The following PAICS variants were observed in gnomAD, a reference collection of about 807,000 sequenced individuals.
PAICS encodes the protein phosphoribosylaminoimidazole carboxylase and phosphoribosylaminoimidazolesuccinocarboxamide synthase, also known as bifunctional phosphoribosylaminoimidazole carboxylase/phosphoribosylaminoimidazole succinocarboxamide synthetase.
A neutral mutation model predicts 53.7 loss-of-function variants in PAICS; 33 were observed. The ratio of observed to expected loss-of-function variants is 0.61; its 90% confidence interval spans 0.47 to 0.82. PAICS has a LOEUF of 0.82. Ranked by LOEUF, PAICS falls within the 40% of genes least tolerant of loss-of-function variation. The pLI, the probability that PAICS is intolerant of heterozygous loss-of-function variation, is 0.00. For synonymous variants in PAICS, 141 were observed against 167.2 expected (o/e 0.84, Z 1.21); for missense variants, 394 against 494.1 (o/e 0.80, Z 1.92).
chr4:56,458,729 A>AC (rs898685251), intron 8 of PAICS, among the ~76,000 whole-genome samples: 3 of 151,894 alleles, frequency 2.0e-5, no homozygotes, highest in African/African-American at 7.3e-5. Context: ...CAAACACTAG[A>AC]CATAATAGTA....
chr4:56,433,930 T>C (rs1300669769), upstream of PAICS, among the ~76,000 whole-genome samples: 1 of 152,156 alleles, frequency 6.6e-6, no homozygotes, highest in Non-Finnish European at 1.5e-5. Flanking sequence ...AACCTCGTGA[T>C]CCGCCCGCCT....
intron 8 of PAICS, 147 bp downstream of exon 8, chr4:56,453,908 T>C: frequency 2.0e-6 from 1 of 506,052 alleles, no homozygotes; most frequent in Non-Finnish European, 3.5e-6. Context: ...CATCTCCTGC[T>C]GGATTATTTT....
rs762798410 is a variant in PAICS at position 56,452,043 on chromosome 4, G to A, written c.943G>A (p.Glu315Lys). Residue 315 changes from glutamate (E) to lysine (K), a missense_variant, in exon 7 of 9, where the codon GAG becomes AAG. This residue lies in a region of PAICS where 131 missense variants were observed against 205.5 expected (regional missense o/e 0.64). Transcript: ENST00000512576. ...AGATGAAACTCTGAGGATTAAAGCTGAGTATGAAGGTAAACCACAAGTAAT... is the reference window on the plus strand; with the variant it reads ...AGATGAAACTCTGAGGATTAAAGCTAAGTATGAAGGTAAACCACAAGTAAT... ...GPDETLRIKA[E>K]YEGDGIPTVF... The A allele has an allele frequency of 1.3e-6, 2 of 1,596,972 alleles. No homozygotes were observed. The highest frequency in any genetic ancestry group is 1.7e-6 in the Non-Finnish European group (2 of 1,169,328).
intron 8 of PAICS, among the ~76,000 whole-genome samples, chr4:56,454,316 G>A (rs921282103): frequency 1.3e-5 from 2 of 152,114 alleles, no homozygotes; most frequent in Admixed American, 6.5e-5. Context: ...AATGAATTGT[G>A]GTGGAAATTG....
Position 56,441,786 on chromosome 4 carries a change from A to G in PAICS, c.140A>G (p.Lys47Arg), listed in dbSNP as rs779424819. Residue 47 changes from lysine (K) to arginine (R), a missense_variant, in exon 2 of 9, where the codon AAA (lysine) becomes AGA (arginine). By Grantham distance (26) the Lys-to-Arg change is conservative. Transcript: ENST00000512576. Reference sequence around the variant, plus strand: ...ATTACAGCAGGAAATGCAGCTAGAAAAAACCACCTGGAAGGAAAAGCTGCA... The same window carrying G: ...ATTACAGCAGGAAATGCAGCTAGAAGAAACCACCTGGAAGGAAAAGCTGCA... The part of the protein sequence containing the change: ...DQITAGNAAR[K>R]NHLEGKAAIS... The G allele has an allele frequency of 6.2e-7, 1 of 1,603,394 alleles. No individual in the cohort carries two copies. Among genetic ancestry groups the G allele is most frequent in the East Asian group, 2.2e-5 (1 of 44,698 alleles).
intron 1 of PAICS, among the ~76,000 whole-genome samples, chr4:56,439,480 G>T (rs546246299): frequency 6.6e-6 from 1 of 152,074 alleles, no homozygotes; most frequent in South Asian, 2.1e-4. Context: ...CAAGTGATCC[G>T]CCCGCCTCGG....
the PAICS span, among the ~76,000 whole-genome samples, chr4:56,417,837 TTTTTG>T: frequency 5.2e-5 from 5 of 95,616 alleles, no homozygotes; most frequent in African/African-American, 1.9e-4. Context: ...AAGATTTGGT[TTTTTG>T]TTTTTTTTTT....
At chr4:56,436,215 C>T (rs1717937416), upstream of PAICS, 1 of 1,534,678 alleles carries the variant, frequency 6.5e-7, no homozygotes, top group Non-Finnish European at 8.8e-7. Context: ...CGCGGCCCCG[C>T]CTCCTTCCCC....
At chr4:56,422,541 A>G in the PAICS span, 1 of 148,482 alleles carries the variant, frequency 6.7e-6, no homozygotes, top group African/African-American at 2.5e-5. Context: ...ATAAAATGCT[A>G]TTATAAGACA....
At chr4:56,426,541 T>C in the PAICS span, among the ~76,000 whole-genome samples, 2 of 152,232 alleles carry the variant, frequency 1.3e-5, no homozygotes, top group East Asian at 1.9e-4. Context: ...CCCTCCAATA[T>C]ACATTTTTGT....
the PAICS span, among the ~76,000 whole-genome samples, chr4:56,414,705 C>T: frequency 7.2e-5 from 11 of 152,210 alleles, no homozygotes; most frequent in African/African-American, 2.2e-4. Flanking sequence ...TTTCTATGGA[C>T]GTAAATCTGG....
chr4:56,453,758 A>G lies in PAICS; in HGVS notation c.1108A>G (p.Ser370Gly). The change falls in exon 8 of 9, where the codon AGT (serine) becomes GGT (glycine). Residue 370 changes from serine to glycine, a missense_variant. This residue lies in a region of PAICS where 95 missense variants were observed against 89.3 expected (regional missense o/e 1.06). Coordinates refer to ENST00000512576, the MANE Select transcript of PAICS (RefSeq NM_001079524.2). The stretch of plus-strand genomic sequence containing the variant: ...TGTGTGGTCTTCTCTTCGACTACCC[A>G]GTGGTAAGATACATTGAATTTTTAA... ...QDVWSSLRLP[S>G]GLGCSTVLSP... 6.5e-7 allele frequency: 1 copy of G among 1,542,048 alleles called. No homozygotes were observed. Among genetic ancestry groups the G allele is most frequent in the Non-Finnish European group, 8.8e-7 (1 of 1,138,988 alleles).
chr4:56,411,821 G>A, the PAICS span, among the ~76,000 whole-genome samples: 8 of 152,172 alleles, frequency 5.3e-5, no homozygotes, highest in Non-Finnish European at 8.8e-5. Context: ...AAATGTGAAT[G>A]GGGTTAAGAG....
upstream of PAICS, chr4:56,431,511 C>G: frequency 4.1e-6 from 4 of 980,082 alleles, no homozygotes; most frequent in Non-Finnish European, 4.8e-6. Flanking sequence ...AAAGATTCTA[C>G]AGAATGTTTC....
At chr4:56,421,326 GTT>G in the PAICS span, 1 of 155,024 alleles carries the variant, frequency 6.5e-6, no homozygotes, top group East Asian at 1.9e-4. Context: ...ATGGTGAGTT[GTT>G]TAATTATTTC....
chr4:56,436,661 A>G, intron 1 of PAICS: 2 of 587,212 alleles, frequency 3.4e-6, no homozygotes, highest in South Asian at 3.1e-5. Context: ...CGTTAGGTTA[A>G]TGACCTTTCT....
chr4:56,429,641 G>A, the PAICS span, among the ~76,000 whole-genome samples: 67 of 152,192 alleles, frequency 4.4e-4, no homozygotes, highest in Admixed American at 2.0e-3. Context: ...CAGCTTTAAT[G>A]CCTTATAGAT....
Position 56,441,721 on chromosome 4 carries a change from A to G in PAICS, c.75A>G (p.Leu25=), listed in dbSNP as rs765248477. The G allele has an allele frequency of 1.9e-6, 3 of 1,604,470 alleles. No individual in the cohort carries two copies. The Admixed American group carries it at 5.1e-5, about 27-fold the overall frequency. The change falls in exon 2 of 9, where the codon TTA becomes TTG. Residue 25 remains leucine (L), a synonymous_variant. Transcript: ENST00000512576. ...EGKTKEVYEL[L]DSPGKVLLQS... ...AAACAAAAGAAGTCTACGAATTGTTAGACAGTCCAGGAAAAGTCCTCCTGC... is the reference window on the plus strand; with the variant it reads ...AAACAAAAGAAGTCTACGAATTGTTGGACAGTCCAGGAAAAGTCCTCCTGC...
chr4:56,427,642 TAA>T, the PAICS span, among the ~76,000 whole-genome samples: 19,630 of 140,400 alleles, frequency 0.14, 1,415 homozygotes, highest in Admixed American at 0.24. Context: ...CCCTGTCTCT[TAA>T]AAAAAAAAAA....
Sources: allele counts gnomAD v4.1 joint callset (sites outside exome capture counted in the v4.1 genomes callset), GRCh38; gene constraint gnomAD v4.1.1; regional missense constraint gnomAD v4.1.1; transcripts MANE v1.5; gene names NCBI Gene and HGNC (gene_info 2026-07-23, HGNC 2026-07-21).